The following SHOX variants were observed in gnomAD, a reference collection of about 807,000 sequenced individuals.
SHOX encodes short stature homeobox protein.
A neutral mutation model predicts 29.6 loss-of-function variants in SHOX; 12 were observed. The observed-to-expected ratio is 0.41, with a 90% confidence interval of 0.26 to 0.66. The LOEUF is 0.66. Among genes scored for constraint, SHOX ranks in the 30% least tolerant of loss-of-function variants. The probability of loss-of-function intolerance (pLI) is 0.35; values close to 1 mark genes in which losing one functional copy is unlikely to be tolerated. For missense variants in SHOX, 499 were observed against 437.7 expected, an observed-to-expected ratio of 1.14 and a Z score of -1.25; for synonymous variants, 214 against 200.6, an observed-to-expected ratio of 1.07 and a Z score of -0.57.
downstream of SHOX, among the ~76,000 whole-genome samples, chrX:652,867 C>G (rs770526575): frequency 6.8e-3 from 538 of 79,330 alleles, 5 homozygotes; most frequent in Non-Finnish European, 2.8e-3. Context: ...CTGACCTCAA[C>G]GCGTCCATCT....
upstream of SHOX, among the ~76,000 whole-genome samples, chrX:630,065 C>T (rs1221543248): frequency 6.6e-6 from 1 of 152,110 alleles, no homozygotes; most frequent in Non-Finnish European, 1.5e-5. Flanking sequence ...CCGGATCTCC[C>T]GGGGACCTGG....
At chrX:637,072 G>A (rs1025733898) in intron 2 of SHOX, among the ~76,000 whole-genome samples, 44 of 151,518 alleles carry the variant, frequency 2.9e-4, no homozygotes, top group African/African-American at 8.5e-4. Context: ...CATCTTTACC[G>A]AGGGCTGTGG....
chrX:654,506 G>C (rs1194677720), downstream of SHOX, among the ~76,000 whole-genome samples: 8 of 151,818 alleles, frequency 5.3e-5, no homozygotes, highest in East Asian at 1.9e-4. Flanking sequence ...TTCTAAAAAG[G>C]CTATAAAAAA....
chrX:657,248 C>A (rs2053161204), intron 5 of SHOX, among the ~76,000 whole-genome samples: 1 of 152,152 alleles, frequency 6.6e-6, no homozygotes, highest in Non-Finnish European at 1.5e-5. Context: ...GAGTTTTCCA[C>A]CTGAGGAACT....
chrX:638,189 G>C (rs1188143609), intron 2 of SHOX, among the ~76,000 whole-genome samples: 2 of 152,050 alleles, frequency 1.3e-5, no homozygotes, highest in African/African-American at 4.8e-5. Context: ...AATGGATCGT[G>C]AATCACTCCA....
chrX:628,112 CCTCT>C (rs1468373395), upstream of SHOX, among the ~76,000 whole-genome samples: 2 of 151,878 alleles, frequency 1.3e-5, no homozygotes, highest in Non-Finnish European at 2.9e-5. Flanking sequence ...TGTGTCTCTG[CCTCT>C]CTTTGTCTCT....
intron 1 of SHOX, 179 bp downstream of exon 1, chrX:631,353 C>T (rs1360252023): frequency 5.9e-6 from 2 of 337,294 alleles, no homozygotes; most frequent in South Asian, 1.2e-4. Context: ...TGGACCCGAC[C>T]GGAGACGCGG....
At chrX:637,197 G>T (rs2052775131) in intron 2 of SHOX, among the ~76,000 whole-genome samples, 1 of 151,958 alleles carries the variant, frequency 6.6e-6, no homozygotes, top group African/African-American at 2.4e-5. Flanking sequence ...GCATCAGACA[G>T]GGGTTTCCTC....
At chrX:643,941 T>C (rs1253900830) in intron 4 of SHOX, among the ~76,000 whole-genome samples, 7 of 103,562 alleles carry the variant, frequency 6.8e-5, no homozygotes, top group South Asian at 3.3e-4. Flanking sequence ...GACCTGGTGA[T>C]CTTGGAGAGG....
downstream of SHOX, among the ~76,000 whole-genome samples, chrX:652,876 C>G (rs1469202983): frequency 4.3e-5 from 2 of 46,028 alleles, no homozygotes; most frequent in Non-Finnish European, 8.7e-5. Context: ...ACGCGTCCAT[C>G]TCCAGCCTGT....
downstream of SHOX, among the ~76,000 whole-genome samples, chrX:653,101 C>T (rs1166045942): frequency 2.6e-5 from 4 of 151,986 alleles, no homozygotes; most frequent in African/African-American, 4.8e-5. Flanking sequence ...ATTAGCCGGG[C>T]GTGGTGGTGT....
chrX:656,925 CA>C (rs57866699), intron 5 of SHOX, among the ~76,000 whole-genome samples: 794 of 5,200 alleles, frequency 0.15, 97 homozygotes, highest in African/African-American at 0.24. Flanking sequence ...GACTCCGTCT[CA>C]AAAAAAAAAA....
downstream of SHOX, among the ~76,000 whole-genome samples, chrX:652,466 G>C (rs963258516): frequency 6.7e-4 from 102 of 151,724 alleles, no homozygotes; most frequent in Non-Finnish European, 1.3e-3. Context: ...AGGGAAGTGG[G>C]GGAGGGACAC....
chrX:639,092 C>A (rs1387105341), intron 2 of SHOX, among the ~76,000 whole-genome samples: 1 of 152,142 alleles, frequency 6.6e-6, no homozygotes, highest in Non-Finnish European at 1.5e-5. Flanking sequence ...ACTGGGAGAG[C>A]AGAGGAGGCT....
intron 1 of SHOX, chrX:631,958 G>A (rs763797098): frequency 3.0e-4 from 139 of 456,106 alleles, no homozygotes; most frequent in Middle Eastern, 9.8e-4. Context: ...CCGGGCCCCC[G>A]GAGATCACGG....
At chrX:627,291 G>C (rs2052555123), upstream of SHOX, among the ~76,000 whole-genome samples, 1 of 152,134 alleles carries the variant, frequency 6.6e-6, no homozygotes, top group African/African-American at 2.4e-5. Flanking sequence ...AAACGTGTGG[G>C]GTAGAAAAAG....
rs766436886 is a variant in SHOX at position 630,869 on chromosome X, C to T, written c.-29C>T. On this transcript the variant is annotated 5_prime_UTR_variant, in exon 1 of 5. Transcript: ENST00000686671. ...GGGGAGACGCGCGCATCCACCAGCC[C>T]CGGCTGCTCGCCAGCCCCGGCCCCA... 3.7e-6 allele frequency: 6 copies of T among 1,611,900 alleles called. No homozygotes were observed. The highest frequency in any genetic ancestry group is 3.4e-6 in the Non-Finnish European group (4 of 1,179,680).
intron 1 of SHOX, among the ~76,000 whole-genome samples, chrX:632,808 C>T (rs1351680492): frequency 3.3e-5 from 5 of 152,210 alleles, no homozygotes; most frequent in Admixed American, 3.3e-4. Flanking sequence ...AGAGAGTTGG[C>T]CTTCCTGGAC....
chrX:644,633 C>G lies in SHOX; in HGVS notation c.876C>G (p.Leu292=), dbSNP rs750326508. The G allele has an allele frequency of 2.0e-6, 3 of 1,479,640 alleles. No homozygotes were observed. In the African/African-American group the frequency reaches 4.4e-5, roughly 22 times the overall value. The allele number at this position is 1,479,640 out of a possible 1,614,324, so 91.7% of individuals were successfully genotyped here. A position where few individuals can be genotyped will look rare whatever the true frequency, so the allele number is the denominator to read the frequency against. The change falls in exon 5 of 5, where the codon CTC becomes CTG. Residue 292 remains leucine (L), a synonymous_variant. Transcript: ENST00000686671. ...GGAAGCACGCGGAGGCCCTGGGGCT[C>G]TGACCCGCCGCGCAGCCCCCCGCGC... The part of the protein sequence containing the change: ...KARKHAEALG[L]
Sources: allele counts gnomAD v4.1 joint callset (sites outside exome capture counted in the v4.1 genomes callset), GRCh38; gene constraint gnomAD v4.1.1; transcripts MANE v1.5; gene names NCBI Gene and HGNC (gene_info 2026-07-23, HGNC 2026-07-21).